RAP1A: variants seen among roughly 807,000 people sequenced by gnomAD.
RAP1A encodes RAP1A, member of RAS oncogene family.
A neutral mutation model predicts 26.4 loss-of-function variants in RAP1A; 6 were observed. The observed-to-expected ratio is 0.23, with a 90% CI of 0.12 to 0.45. The LOEUF (loss-of-function observed/expected upper bound fraction) is 0.45. Ranked by LOEUF, RAP1A falls within the 20% of genes least tolerant of loss-of-function variation. The probability of loss-of-function intolerance (pLI) is 0.99; values close to 1 mark genes in which losing one functional copy is unlikely to be tolerated. For synonymous variants in RAP1A, 73 were observed against 79.4 expected (o/e 0.92, Z 0.43); for missense variants, 121 against 217.2 (o/e 0.56, Z 2.78).
intron 1 of RAP1A, among the ~76,000 whole-genome samples, chr1:111,679,536 G>T (rs2101204713): frequency 6.7e-6 from 1 of 148,652 alleles, no homozygotes; most frequent in Non-Finnish European, 1.5e-5. Flanking sequence ...TGTACCCAGT[G>T]GCACCTGGAA....
At chr1:111,583,157 C>T (rs191794860) in intron 1 of RAP1A, among the ~76,000 whole-genome samples, 2 of 152,120 alleles carry the variant, frequency 1.3e-5, no homozygotes, top group Non-Finnish European at 2.9e-5. Context: ...TTCTCCCCAA[C>T]CCCCAATGTC....
intron 1 of RAP1A, among the ~76,000 whole-genome samples, chr1:111,593,263 A>C (rs1658502209): frequency 2.0e-5 from 3 of 152,114 alleles, no homozygotes; most frequent in Admixed American, 2.0e-4. Context: ...ACAAGTTCTG[A>C]GTTGTAGGGC....
chr1:111,651,465 T>C (rs762006995), intron 1 of RAP1A, among the ~76,000 whole-genome samples: 1 of 147,730 alleles, frequency 6.8e-6, no homozygotes, highest in Non-Finnish European at 1.5e-5. Flanking sequence ...ATGGGAGATA[T>C]ATATATAATT....
chr1:111,715,433 C>T lies in RAP1A; in HGVS notation c.*3032C>T, dbSNP rs1275418646. On this transcript the variant is annotated 3_prime_UTR_variant, in exon 8 of 8. Coordinates refer to ENST00000369709, the MANE Select transcript of RAP1A (RefSeq NM_002884.4). The stretch of plus-strand genomic sequence containing the variant: ...CTATTTAAGTCCTAGTACATAAACA[C>T]TGTGTGGTTCACAAAAAGGCATAGA... 1 of 152,064 alleles carries T rather than the reference C, an allele frequency of 6.6e-6. No homozygotes were observed. Among genetic ancestry groups the T allele is most frequent in the Non-Finnish European group, 1.5e-5 (1 of 68,060 alleles). The allele number at this position is 152,064 out of a possible 1,614,324, so 9.4% of individuals were successfully genotyped here.
At chr1:111,689,968 G>A (rs997590492) in intron 1 of RAP1A, among the ~76,000 whole-genome samples, 8 of 152,174 alleles carry the variant, frequency 5.3e-5, no homozygotes, top group Non-Finnish European at 7.3e-5. Flanking sequence ...GAGCCACTGC[G>A]CCCGGCCTCA....
chr1:111,600,175 G>A (rs1658643889), intron 1 of RAP1A: 1 of 152,188 alleles, frequency 6.6e-6, no homozygotes, highest in Admixed American at 6.5e-5. Flanking sequence ...CACAAGAACA[G>A]ACTAACACAA....
At chr1:111,583,290 T>A (rs1409706203) in intron 1 of RAP1A, among the ~76,000 whole-genome samples, 2 of 143,710 alleles carry the variant, frequency 1.4e-5, no homozygotes, top group African/African-American at 5.3e-5. Context: ...GCTCATGCTT[T>A]AAAAAAAAAA....
chr1:111,683,817 C>T (rs1048825356), intron 1 of RAP1A, among the ~76,000 whole-genome samples: 13 of 152,142 alleles, frequency 8.5e-5, no homozygotes, highest in African/African-American at 3.1e-4. Context: ...TTTATGAGGC[C>T]AGTGTCATCC....
At chr1:111,580,689 G>A (rs1275224449) in intron 1 of RAP1A, among the ~76,000 whole-genome samples, 1 of 151,806 alleles carries the variant, frequency 6.6e-6, no homozygotes, top group Admixed American at 6.6e-5. Context: ...TCTACTGAAA[G>A]TACAAAAATT....
At chr1:111,558,462 C>T (rs541086135) in intron 1 of RAP1A, among the ~76,000 whole-genome samples, 9 of 152,188 alleles carry the variant, frequency 5.9e-5, no homozygotes, top group African/African-American at 2.2e-4. Flanking sequence ...GCTGGGACTA[C>T]AGGCATAAGC....
chr1:111,607,875 C>CA (rs568384272), intron 1 of RAP1A, among the ~76,000 whole-genome samples: 5,690 of 119,490 alleles, frequency 0.048, 487 homozygotes, highest in African/African-American at 0.072. Context: ...CCTGACCCCC[C>CA]CCACCTCCCT....
intron 1 of RAP1A, among the ~76,000 whole-genome samples, chr1:111,547,662 T>C (rs544102166): frequency 8.5e-5 from 13 of 152,284 alleles, no homozygotes; most frequent in African/African-American, 2.9e-4. Flanking sequence ...CTTTTACAGA[T>C]TTTTTAAAGA....
chr1:111,626,042 T>C (rs1659387960), intron 1 of RAP1A, among the ~76,000 whole-genome samples: 1 of 152,236 alleles, frequency 6.6e-6, no homozygotes, highest in South Asian at 2.1e-4. Context: ...AGGTGTAGTT[T>C]CTGCTTAAAG....
At chr1:111,705,827 T>G (rs1294138264) in intron 6 of RAP1A, among the ~76,000 whole-genome samples, 2 of 152,226 alleles carry the variant, frequency 1.3e-5, no homozygotes, top group Non-Finnish European at 2.9e-5. Flanking sequence ...GAGGTCACTA[T>G]CTACAAGATA....
intron 1 of RAP1A, among the ~76,000 whole-genome samples, chr1:111,573,462 G>GT (rs1571477908): frequency 6.6e-6 from 1 of 152,182 alleles, no homozygotes; most frequent in East Asian, 1.9e-4. Flanking sequence ...AGCCTCCAGA[G>GT]TAGCTGGGAC....
chr1:111,703,302 A>G lies in RAP1A; in HGVS notation c.184-34A>G, dbSNP rs377244316. ...GTTGCAGTATACATTCAAGAAATTT[A>G]TATATTTATAATTGCATATTTTTTA... is the stretch of plus-strand genomic sequence containing the variant. On this transcript the variant is annotated intron_variant, in intron 4 of 7. Transcript: ENST00000369709. 65 of 1,372,642 alleles carry G rather than the reference A, an allele frequency of 4.7e-5. 1 individual carries two copies. Among genetic ancestry groups the G allele is most frequent in the Middle Eastern group, 3.9e-4 (2 of 5,076 alleles). 85.0% of individuals were successfully genotyped at this position (1,372,642 alleles called of 1,614,324 possible).
intron 1 of RAP1A, among the ~76,000 whole-genome samples, chr1:111,635,851 G>C (rs781212752): frequency 6.6e-6 from 1 of 152,076 alleles, no homozygotes; most frequent in African/African-American, 2.4e-5. Context: ...GGAATTACAG[G>C]TGTGAGCCAC....
chr1:111,661,411 G>A (rs941313388), intron 1 of RAP1A, among the ~76,000 whole-genome samples: 9 of 152,140 alleles, frequency 5.9e-5, no homozygotes, highest in Non-Finnish European at 1.0e-4. Context: ...AGTCTGTTAT[G>A]GTTGATGGCC....
intron 1 of RAP1A, among the ~76,000 whole-genome samples, chr1:111,555,858 G>T (rs369779420): frequency 2.0e-5 from 3 of 152,180 alleles, no homozygotes; most frequent in African/African-American, 7.2e-5. Flanking sequence ...ATTTGGCAAC[G>T]ATTTCTTGGA....
Sources: gnomAD v4.1 joint callset for allele counts (sites outside exome capture counted in the v4.1 genomes callset) on GRCh38, gnomAD v4.1.1 for gene constraint, MANE v1.5 for transcripts, NCBI Gene and HGNC (gene_info 2026-07-23, HGNC 2026-07-21) for gene names.